The following GLDC variants were observed in gnomAD, a reference collection of about 807,000 sequenced individuals.
The protein encoded by GLDC is glycine decarboxylase.
In GLDC, 104 loss-of-function variants were observed where a neutral mutation model predicts 121.3. The ratio of observed to expected loss-of-function variants is 0.86; its 90% CI spans 0.73 to 1.01. The LOEUF (loss-of-function observed/expected upper bound fraction) is 1.01. Ranked by LOEUF, GLDC falls within the 50% of genes least tolerant of loss-of-function variation. The pLI, the probability that GLDC is intolerant of heterozygous loss-of-function variation, is 0.00. For missense variants in GLDC, 1,429 were observed against 1,306.6 expected (o/e 1.09, Z -1.44); for synonymous variants, 546 against 480.6 (o/e 1.14, Z -1.78).
intron 2 of GLDC, among the ~76,000 whole-genome samples, chr9:6,640,062 C>T (rs1263217998): frequency 6.6e-6 from 1 of 152,176 alleles, no homozygotes; most frequent in Non-Finnish European, 1.5e-5. Context: ...CAGACAGCTT[C>T]CCTTGTAAAC....
chr9:6,636,129 C>T (rs1047146858), intron 2 of GLDC, among the ~76,000 whole-genome samples: 1 of 151,834 alleles, frequency 6.6e-6, no homozygotes, highest in African/African-American at 2.4e-5. Context: ...ATGGTGAAAC[C>T]CCCGTCTCTA....
chr9:6,626,765 G>T (rs1228179926), intron 2 of GLDC, among the ~76,000 whole-genome samples: 1 of 152,158 alleles, frequency 6.6e-6, no homozygotes, highest in African/African-American at 2.4e-5. Context: ...TTGCGAGAGA[G>T]CCCTGACTAC....
intron 2 of GLDC, among the ~76,000 whole-genome samples, chr9:6,620,694 T>C (rs894353230): frequency 6.6e-6 from 1 of 152,224 alleles, no homozygotes; most frequent in African/African-American, 2.4e-5. Flanking sequence ...TACTGTGTTT[T>C]ACCTTCTAAA....
rs1317471563 is a variant in GLDC at position 6,620,312 on chromosome 9, A to G, written c.342T>C (p.Asn114=). The G allele has an allele frequency of 6.2e-7, 1 of 1,613,308 alleles. No individual in the cohort carries two copies. Among genetic ancestry groups the G allele is most frequent in the Non-Finnish European group, 8.5e-7 (1 of 1,179,332 alleles). The change falls in exon 3 of 25, where the codon AAT becomes AAC. Residue 114 remains asparagine, a synonymous_variant. Coordinates refer to ENST00000321612, the MANE Select transcript of GLDC (RefSeq NM_000170.3). The stretch of plus-strand genomic sequence containing the variant: ...TGGCATGCAGAGTTGCAAGGATTTC[A>G]TTTTCACCTAATTGTGGGAAAAAGA... ...PLKMEDPVCE[N]EILATLHAIS...
chr9:6,629,958 T>TATATATATATATATATGTATATA, intron 2 of GLDC, among the ~76,000 whole-genome samples: 1 of 78,680 alleles, frequency 1.3e-5, no homozygotes, highest in Non-Finnish European at 2.4e-5. Flanking sequence ...TATATATATA[T>TATATATATATATATATGTATATA]TTTTTTTTTT....
At chr9:6,555,626 A>T (rs1016377732) in intron 18 of GLDC, among the ~76,000 whole-genome samples, 1 of 151,850 alleles carries the variant, frequency 6.6e-6, no homozygotes, top group East Asian at 1.9e-4. Context: ...AAATAAAAAT[A>T]AAAAAATTTA....
At position 6,645,461 on chromosome 9, in the gene GLDC, G is replaced by A. The variant is rs1819728146; in HGVS notation, c.39C>T (p.Gly13=). The change falls in exon 1 of 25, where the codon GGC becomes GGT. Residue 13 remains glycine, a synonymous_variant. Coordinates refer to ENST00000321612, the MANE Select transcript of GLDC (RefSeq NM_000170.3). Reference sequence around the variant, plus strand: ...GGCGGCGGCCGCCCCCGACCCCGCGGCCCAGGCGCAGCCCCCACGCCCTGG... The same window carrying A: ...GGCGGCGGCCGCCCCCGACCCCGCGACCCAGGCGCAGCCCCCACGCCCTGG... ...SCARAWGLRL[G]RGVGGGRRLA... 1 of 1,249,344 alleles carries A rather than the reference G, an allele frequency of 8.0e-7. No individual in the cohort carries two copies. The highest frequency in any genetic ancestry group is 1.0e-6 in the Non-Finnish European group (1 of 1,003,056). The allele number at this position is 1,249,344 out of a possible 1,614,324, so 77.4% of individuals were successfully genotyped here. A position where few individuals can be genotyped will look rare whatever the true frequency, so the allele number is the denominator to read the frequency against.
intron 22 of GLDC, among the ~76,000 whole-genome samples, chr9:6,537,821 C>T (rs1447617553): frequency 6.6e-6 from 1 of 152,082 alleles, no homozygotes; most frequent in Non-Finnish European, 1.5e-5. Context: ...GTTGAAAGGA[C>T]TGTAGGTGAG....
At chr9:6,569,740 C>G (rs1409549315) in intron 15 of GLDC, among the ~76,000 whole-genome samples, 1 of 151,990 alleles carries the variant, frequency 6.6e-6, no homozygotes, top group Non-Finnish European at 1.5e-5. Flanking sequence ...CGTTGGGAGG[C>G]CGAGGCGAGC....
At chr9:6,619,470 G>C (rs955702309) in intron 3 of GLDC, among the ~76,000 whole-genome samples, 10 of 152,286 alleles carry the variant, frequency 6.6e-5, no homozygotes, top group African/African-American at 2.4e-4. Context: ...GCTCATGCCT[G>C]TAATCCCAGC....
At chr9:6,623,142 A>G (rs1819151389) in intron 2 of GLDC, 1 of 177,774 alleles carries the variant, frequency 5.6e-6, no homozygotes, top group Non-Finnish European at 1.1e-5. Context: ...AGAACGGGCC[A>G]TGATGACAAT....
Position 6,611,383 on chromosome 9 carries a change from C to CT in GLDC, c.471-1028_471-1027insA, listed in dbSNP as rs771452995. 1.3e-3 allele frequency among the ~76,000 whole-genome samples: 201 copies of CT among 152,226 alleles called. 1 individual carries two copies. The highest frequency in any genetic ancestry group is 3.4e-3 in the Middle Eastern group (1 of 294). On this transcript the variant is annotated intron_variant, in intron 3 of 24. Transcript: ENST00000321612. ...CCATCCTGGCTAACATGGTGAAACC[C>CT]GTCTCTACTAAAAATACAAACAATT... is the stretch of plus-strand genomic sequence containing the variant.
intron 21 of GLDC, among the ~76,000 whole-genome samples, chr9:6,546,111 T>G (rs1817382589): frequency 6.6e-6 from 1 of 152,178 alleles, no homozygotes; most frequent in Non-Finnish European, 1.5e-5. Context: ...TTTTTAAACT[T>G]TTTTGTTAAA....
At chr9:6,610,388 T>A in intron 3 of GLDC, 32 bp from the exon 4 acceptor site, 1 of 1,610,138 alleles carries the variant, frequency 6.2e-7, no homozygotes, top group Non-Finnish European at 8.5e-7. Flanking sequence ...TTGTCCAAAC[T>A]GACTGCTGTT....
At chr9:6,636,639 G>C (rs1819508089) in intron 2 of GLDC, among the ~76,000 whole-genome samples, 1 of 152,060 alleles carries the variant, frequency 6.6e-6, no homozygotes, top group African/African-American at 2.4e-5. Flanking sequence ...AGCCGGGCAT[G>C]GTGGCATGCG....
At chr9:6,611,169 G>C (rs142845271) in intron 3 of GLDC, among the ~76,000 whole-genome samples, 86 of 152,312 alleles carry the variant, frequency 5.6e-4, no homozygotes, top group African/African-American at 2.0e-3. Flanking sequence ...TTCCAGGATG[G>C]AAATGTTTAG....
At chr9:6,618,853 G>A (rs1297667776) in intron 3 of GLDC, among the ~76,000 whole-genome samples, 1 of 152,022 alleles carries the variant, frequency 6.6e-6, no homozygotes, top group Non-Finnish European at 1.5e-5. Context: ...CTAGAAGTAG[G>A]AGTGACTTGG....
chr9:6,630,993 G>C (rs150096178), intron 2 of GLDC, among the ~76,000 whole-genome samples: 2 of 152,138 alleles, frequency 1.3e-5, no homozygotes, highest in East Asian at 1.9e-4. Flanking sequence ...GTGTTGAATC[G>C]TTCGAGAAAG....
chr9:6,567,377 G>A (rs1472031649), intron 15 of GLDC: 1 of 152,168 alleles, frequency 6.6e-6, no homozygotes, highest in Non-Finnish European at 1.5e-5. Flanking sequence ...CACATCACAA[G>A]TAACTTCATC....
Sources: gnomAD v4.1 joint callset for allele counts (sites outside exome capture counted in the v4.1 genomes callset) on GRCh38, gnomAD v4.1.1 for gene constraint, MANE v1.5 for transcripts, NCBI Gene and HGNC (gene_info 2026-07-23, HGNC 2026-07-21) for gene names.